The following FAM107A variants were observed in gnomAD, a reference collection of about 807,000 sequenced individuals.
FAM107A encodes the protein actin-associated protein FAM107A.
FAM107A carries 19 observed loss-of-function variants against 13.7 expected under a neutral mutation model. The observed-to-expected ratio is 1.38, with a 90% CI of 0.97 to 2.03. FAM107A has a LOEUF of 2.03. FAM107A is among the 30% of genes most tolerant of loss of function. The pLI is 0.00. For missense variants in FAM107A, 203 were observed against 184.4 expected, an observed-to-expected ratio of 1.10 and a Z score of -0.58; for synonymous variants, 82 against 74.5, an observed-to-expected ratio of 1.10 and a Z score of -0.52.
intron 2 of FAM107A, among the ~76,000 whole-genome samples, chr3:58,568,447 AG>A (rs2063646360): frequency 6.6e-6 from 1 of 152,102 alleles, no homozygotes; most frequent in Non-Finnish European, 1.5e-5. Context: ...ACAAAAAAAA[AG>A]AAAAAAAGAA....
Position 58,569,940 on chromosome 3 carries a change from G to A in FAM107A, c.-5-75C>T, listed in dbSNP as rs1340519452. ...CCTGCCCCATGGGACACAGTTGAAG[G>A]GCAAGGTTTTCATGTCAGATGGACC... On this transcript the variant is annotated intron_variant, in intron 1 of 3. Coordinates refer to ENST00000360997, the MANE Select transcript of FAM107A (RefSeq NM_001076778.3). The surrounding 1 kb of genome is among the most constrained non-coding windows in gnomAD (Gnocchi z 5.7). The A allele has an allele frequency of 3.4e-6, 5 of 1,463,072 alleles. No individual in the cohort carries two copies. Among genetic ancestry groups the A allele is most frequent in the Non-Finnish European group, 2.8e-6 (3 of 1,086,586 alleles). The allele number at this position is 1,463,072 out of a possible 1,614,324, so 90.6% of individuals were successfully genotyped here. A position where few individuals can be genotyped will look rare whatever the true frequency, so the allele number is the denominator to read the frequency against.
At chr3:58,567,141 A>T in intron 3 of FAM107A, 67 bp downstream of exon 3, 1 of 1,581,500 alleles carries the variant, frequency 6.3e-7, no homozygotes, top group Non-Finnish European at 8.7e-7. Flanking sequence ...CTGTGGCCAC[A>T]GCAGAGCTCC....
intron 1 of FAM107A, among the ~76,000 whole-genome samples, chr3:58,626,300 C>T (rs540591701): frequency 6.9e-4 from 105 of 152,302 alleles, no homozygotes; most frequent in African/African-American, 2.4e-3. Context: ...AGGATGCTGA[C>T]GCAGGGGTCC....
chr3:58,577,515 A>C (rs1448795737), upstream of FAM107A: 2 of 985,256 alleles, frequency 2.0e-6, no homozygotes, highest in East Asian at 1.1e-4. This position sits in a 1 kb window ranked among gnomAD's most constrained non-coding sequence, Gnocchi z 4.9. Flanking sequence ...AACTGTTACT[A>C]TAGTAACAGA....
rs2065873671 is a variant in FAM107A at position 58,613,511 on chromosome 3, TG to T, written c.-70+13904del. On this transcript the variant is annotated intron_variant, in intron 1 of 3. Coordinates refer to the FAM107A transcript ENST00000465970. This position sits in a 1 kb window ranked among gnomAD's most constrained non-coding sequence, Gnocchi z 4.6. ...CCTGCCCAGCCCCTGCCTGCTGCTC[TG>T]GCCTGACCAACTTGCTCTCAGTGCC... Among the ~76,000 whole-genome samples, 1 of 152,216 alleles carries T rather than the reference TG, an allele frequency of 6.6e-6. No homozygotes were observed. The highest frequency in any genetic ancestry group is 1.5e-5 in the Non-Finnish European group (1 of 68,036).
rs777953141 is a variant in FAM107A, at chr3:58,567,321, C to G, written c.214G>C (p.Glu72Gln). ...ATGAGCTGGTTCCGCCGGCGGTGCTCTAGGACACGCTGCAGCTCTGGCTTG... is the reference window on the plus strand; with the variant it reads ...ATGAGCTGGTTCCGCCGGCGGTGCTGTAGGACACGCTGCAGCTCTGGCTTG... ...DSKPELQRVL[E>Q]HRRRNQLIKK... The change falls in exon 3 of 4, where the codon GAG becomes CAG. Residue 72 changes from glutamate (E) to glutamine (Q), a missense_variant. Physicochemically the swap from Glu to Gln is conservative, Grantham distance 29 (BLOSUM62 2). Transcript: ENST00000360997. The G allele has an allele frequency of 2.5e-6, 4 of 1,612,310 alleles. No homozygotes were observed. In the South Asian group the frequency reaches 4.4e-5, roughly 18 times the overall value.
chr3:58,609,713 G>A (rs1439419138), intron 1 of FAM107A, among the ~76,000 whole-genome samples: 1 of 152,174 alleles, frequency 6.6e-6, no homozygotes, highest in Non-Finnish European at 1.5e-5. Flanking sequence ...CTAGGGGGTC[G>A]TGGAGGAGGG....
chr3:58,625,067 A>G (rs947525820), intron 1 of FAM107A, among the ~76,000 whole-genome samples: 1 of 152,184 alleles, frequency 6.6e-6, no homozygotes, highest in African/African-American at 2.4e-5. Flanking sequence ...GTTTGGAGTC[A>G]AGCAGAATGG....
intron 1 of FAM107A, among the ~76,000 whole-genome samples, chr3:58,624,080 C>T (rs2065985574): frequency 6.6e-6 from 1 of 152,160 alleles, no homozygotes; most frequent in African/African-American, 2.4e-5. Flanking sequence ...ATGGAAGGTG[C>T]TTTTCTTGAA....
intron 1 of FAM107A, among the ~76,000 whole-genome samples, chr3:58,572,159 A>G (rs1255464938): frequency 6.6e-6 from 1 of 152,184 alleles, no homozygotes; most frequent in African/African-American, 2.4e-5. Flanking sequence ...GTGCGTAATA[A>G]TAAAAATAGT....
intron 1 of FAM107A, among the ~76,000 whole-genome samples, chr3:58,609,760 C>T (rs1357917629): frequency 6.6e-6 from 1 of 152,066 alleles, no homozygotes; most frequent in Non-Finnish European, 1.5e-5. Flanking sequence ...GGATATGGGA[C>T]CAAAGTCGGG....
chr3:58,576,838 T>C (rs1435266620), intron 1 of FAM107A, among the ~76,000 whole-genome samples: 1 of 152,230 alleles, frequency 6.6e-6, no homozygotes, highest in Non-Finnish European at 1.5e-5. Context: ...ATCCTCTTTT[T>C]ACAGTCAAGG....
intron 1 of FAM107A, among the ~76,000 whole-genome samples, chr3:58,614,269 T>A (rs6445996): frequency 0.98 from 149,097 of 152,282 alleles, 73,071 homozygotes; most frequent in East Asian, 1. Context: ...TGTTTTTTGC[T>A]TCTATGTCAT....
upstream of FAM107A, chr3:58,589,129 C>T: frequency 1.1e-6 from 1 of 926,356 alleles, no homozygotes; most frequent in African/African-American, 1.6e-5. Flanking sequence ...AAATTGTGGC[C>T]ATGGGATGTA....
At position 58,571,324 on chromosome 3, in the gene FAM107A, T is replaced by C. The variant is rs141870947; in HGVS notation, c.-5-1459A>G. ...AAGGTGCTGTGTAACCTGGAAAAAG[T>C]GTTAATTATTATAAGGTATTTTGGA... is the stretch of plus-strand genomic sequence containing the variant. On this transcript the variant is annotated intron_variant, in intron 1 of 3. Coordinates refer to ENST00000360997, the MANE Select transcript of FAM107A (RefSeq NM_001076778.3). Among the ~76,000 whole-genome samples the C allele has an allele frequency of 7.9e-5, 12 of 152,274 alleles. No individual in the cohort carries two copies. The East Asian group carries it at 2.1e-3, about 27-fold the overall frequency.
upstream of FAM107A, chr3:58,589,241 T>C (rs2065635486): frequency 6.5e-7 from 1 of 1,535,330 alleles, no homozygotes; most frequent in East Asian, 2.4e-5. Flanking sequence ...ATTTTCACTA[T>C]GAAATCTGGC....
intron 1 of FAM107A, among the ~76,000 whole-genome samples, chr3:58,612,616 G>A (rs944073269): frequency 2.6e-5 from 4 of 151,490 alleles, no homozygotes; most frequent in South Asian, 2.1e-4. Flanking sequence ...CCAGATGGAG[G>A]GGTGAAAATC....
intron 1 of FAM107A, among the ~76,000 whole-genome samples, chr3:58,576,353 G>A (rs2063730651): frequency 6.6e-6 from 1 of 152,222 alleles, no homozygotes. Context: ...GGCTAGACAT[G>A]GAGGATACTT....
At chr3:58,615,806 G>T (rs961920862) in intron 1 of FAM107A, among the ~76,000 whole-genome samples, 3 of 150,364 alleles carry the variant, frequency 2.0e-5, no homozygotes, top group Admixed American at 6.7e-5. Flanking sequence ...TGAGGTAGGA[G>T]GATCACTTGA....
Sources: allele counts gnomAD v4.1 joint callset (sites outside exome capture counted in the v4.1 genomes callset), GRCh38; gene constraint gnomAD v4.1.1; non-coding constraint Gnocchi (gnomAD v3.1); transcripts MANE v1.5; gene names NCBI Gene and HGNC (gene_info 2026-07-23, HGNC 2026-07-21).